Variants in VWA8 observed in about 807,000 individuals in gnomAD.
VWA8 encodes von Willebrand factor A domain-containing protein 8.
A neutral mutation model predicts 241.5 loss-of-function variants in VWA8; 221 were observed. The ratio of observed to expected loss-of-function variants is 0.91; its 90% CI spans 0.82 to 1.02. The LOEUF (loss-of-function observed/expected upper bound fraction) is 1.02. Among genes scored for constraint, VWA8 ranks in the 50% least tolerant of loss-of-function variants. VWA8 has a pLI of 0.00. For synonymous variants in VWA8, 852 were observed against 827.1 expected (o/e 1.03, Z -0.52); for missense variants, 2,322 against 2,328.7 (o/e 1.00, Z 0.06).
intron 43 of VWA8, among the ~76,000 whole-genome samples, chr13:41,573,743 G>A (rs1184972208): frequency 2.0e-5 from 3 of 151,526 alleles, no homozygotes; most frequent in East Asian, 1.9e-4. Flanking sequence ...TCAGCCTCCC[G>A]GGTGGCTGGG....
At chr13:41,867,427 C>A (rs1566487209) in intron 10 of VWA8, among the ~76,000 whole-genome samples, 1 of 152,300 alleles carries the variant, frequency 6.6e-6, no homozygotes, top group East Asian at 1.9e-4. Flanking sequence ...TAGTGGGGAA[C>A]TGTCCCTGTC....
chr13:41,841,229 T>C (rs577776255), intron 12 of VWA8, among the ~76,000 whole-genome samples: 2 of 152,254 alleles, frequency 1.3e-5, no homozygotes, highest in Admixed American at 6.5e-5. Flanking sequence ...GCAGTTAATA[T>C]AGGAATATAC....
At chr13:41,871,290 T>C (rs1364663387) in intron 9 of VWA8, among the ~76,000 whole-genome samples, 1 of 152,152 alleles carries the variant, frequency 6.6e-6, no homozygotes, top group East Asian at 1.9e-4. Context: ...AGTATTAACA[T>C]TTTCTTTTTT....
In VWA8 at chr13:41,937,632, C is replaced by T. The variant is rs115584789; in HGVS notation, c.241+12304G>A. 1.5e-3 allele frequency among the ~76,000 whole-genome samples: 231 copies of T among 152,242 alleles called. 1 individual carries two copies. Among genetic ancestry groups the T allele is most frequent in the African/African-American group, 5.2e-3 (216 of 41,542 alleles). ...AGCCTTGTTTCTAATAGGCCACAGA[C>T]CAGTACTGGACCCATCAGTTATACC... On this transcript the variant is annotated intron_variant, in intron 2 of 44. Coordinates refer to ENST00000379310, the MANE Select transcript of VWA8 (RefSeq NM_015058.2).
At chr13:41,960,758 C>T (rs1270697886) in intron 1 of VWA8, 95 bp downstream of exon 1, 1 of 1,404,738 alleles carries the variant, frequency 7.1e-7, no homozygotes, top group Non-Finnish European at 9.2e-7. Flanking sequence ...TCCTTCCAAG[C>T]GCAGCGAAGC....
chr13:41,627,819 G>A (rs988607101), intron 37 of VWA8, among the ~76,000 whole-genome samples: 2 of 152,014 alleles, frequency 1.3e-5, no homozygotes, highest in African/African-American at 2.4e-5. Flanking sequence ...TAAAGACTAC[G>A]CCCCAGGTCA....
At chr13:41,570,070 ACACT>A (rs1433025319) in intron 44 of VWA8, among the ~76,000 whole-genome samples, 1 of 152,182 alleles carries the variant, frequency 6.6e-6, no homozygotes, top group South Asian at 2.1e-4. Flanking sequence ...TCATACACAC[ACACT>A]ATCTCCTATG....
chr13:41,890,599 T>C (rs1260173434), intron 5 of VWA8, among the ~76,000 whole-genome samples: 1 of 152,240 alleles, frequency 6.6e-6, no homozygotes, highest in African/African-American at 2.4e-5. Context: ...TATTCATTCA[T>C]TCAACAAATA....
At chr13:41,714,877 C>T (rs1354538627) in intron 26 of VWA8, among the ~76,000 whole-genome samples, 1 of 151,846 alleles carries the variant, frequency 6.6e-6, no homozygotes, top group Non-Finnish European at 1.5e-5. Context: ...TGATGAGTTC[C>T]AAGTTGGTTA....
At chr13:41,907,787 T>C (rs1875796731) in intron 3 of VWA8, 91 bp from the exon 4 acceptor site, 2 of 1,087,436 alleles carry the variant, frequency 1.8e-6, no homozygotes, top group Non-Finnish European at 2.8e-6. Context: ...CCATTGCCCA[T>C]GAGAAGTGCA....
intron 21 of VWA8, among the ~76,000 whole-genome samples, chr13:41,754,315 C>T (rs766083569): frequency 6.6e-6 from 1 of 152,094 alleles, no homozygotes; most frequent in Non-Finnish European, 1.5e-5. Flanking sequence ...CCTGCACAAG[C>T]TCTCTTCTCT....
chr13:41,781,936 A>AT (rs1868905352), intron 19 of VWA8, among the ~76,000 whole-genome samples: 1 of 152,240 alleles, frequency 6.6e-6, no homozygotes, highest in Non-Finnish European at 1.5e-5. Flanking sequence ...ACAACAGGGC[A>AT]TAGGACAACA....
At chr13:41,694,067 G>T (rs973759825) in intron 29 of VWA8, among the ~76,000 whole-genome samples, 4 of 151,814 alleles carry the variant, frequency 2.6e-5, no homozygotes, top group Non-Finnish European at 5.9e-5. Flanking sequence ...AAAATGTGAA[G>T]TGTTTGTTCA....
chr13:41,666,309 G>T (rs983027611), intron 37 of VWA8, among the ~76,000 whole-genome samples: 1 of 152,036 alleles, frequency 6.6e-6, no homozygotes, highest in Non-Finnish European at 1.5e-5. Flanking sequence ...ATAACTGCAG[G>T]CTTCCACATT....
chr13:41,907,669 T>C lies in VWA8; in HGVS notation c.400A>G (p.Ile134Val). Reference sequence around the variant, plus strand: ...TCAGTGGTGTCCCTTGACAGGGCAATGTATTCGACCTCCCGTTTGGTCAGC... The same window carrying C: ...TCAGTGGTGTCCCTTGACAGGGCAACGTATTCGACCTCCCGTTTGGTCAGC... Reference protein sequence around the residue: ...LELTKREVEYIALSRDTTETD... With the variant: ...LELTKREVEYVALSRDTTETD... Residue 134 changes from isoleucine (I) to valine (V), a missense_variant, in exon 4 of 45, where the codon ATT (isoleucine) becomes GTT (valine). Coordinates refer to ENST00000379310, the MANE Select transcript of VWA8 (RefSeq NM_015058.2). 6.2e-7 allele frequency: 1 copy of C among 1,614,130 alleles called. No homozygotes were observed. Among genetic ancestry groups the C allele is most frequent in the Non-Finnish European group, 8.5e-7 (1 of 1,179,992 alleles).
chr13:41,767,416 G>T (rs1196618190), intron 20 of VWA8, among the ~76,000 whole-genome samples: 1 of 152,058 alleles, frequency 6.6e-6, no homozygotes, highest in African/African-American at 2.4e-5. Context: ...GAATAGAGAG[G>T]CCTTAGACAA....
At position 41,568,172 on chromosome 13, in the gene VWA8, T is replaced by C; in HGVS notation, c.*25A>G. ...TCCTGTCTTATTTCAAATCCTGGTG[T>C]CATCAGGGTGATGAAGGGCACTTCT... On this transcript the variant is annotated 3_prime_UTR_variant, in exon 45 of 45. Transcript: ENST00000379310. The C allele has an allele frequency of 6.4e-7, 1 of 1,562,098 alleles. No individual in the cohort carries two copies.
chr13:41,833,256 C>A, intron 13 of VWA8, 115 bp downstream of exon 13: 2 of 1,228,812 alleles, frequency 1.6e-6, no homozygotes, highest in Non-Finnish European at 2.1e-6. Context: ...CATGATTTTT[C>A]AGGATCTACA....
chr13:41,665,791 T>C (rs1001954167), intron 37 of VWA8, among the ~76,000 whole-genome samples: 1 of 152,128 alleles, frequency 6.6e-6, no homozygotes, highest in Admixed American at 6.6e-5. Flanking sequence ...ACTAGTGATA[T>C]GGTAACACAA....
Sources: allele counts gnomAD v4.1 joint callset (sites outside exome capture counted in the v4.1 genomes callset), GRCh38; gene constraint gnomAD v4.1.1; transcripts MANE v1.5; gene names NCBI Gene and HGNC (gene_info 2026-07-23, HGNC 2026-07-21).